The following RABGAP1L variants were observed in gnomAD, a reference collection of about 807,000 sequenced individuals.
RABGAP1L encodes RAB GTPase activating protein 1 like, also known as rab GTPase-activating protein 1-like.
In RABGAP1L, 63 loss-of-function variants were observed where a neutral mutation model predicts 137.7. The ratio of observed to expected loss-of-function variants is 0.46; its 90% CI spans 0.37 to 0.56. RABGAP1L has a LOEUF of 0.56. RABGAP1L is among the 20% of genes least tolerant of loss of function. The pLI is 0.00. For synonymous variants in RABGAP1L, 431 were observed against 433.7 expected, an observed-to-expected ratio of 0.99 and a Z score of 0.08; for missense variants, 1,095 against 1,244.0, an observed-to-expected ratio of 0.88 and a Z score of 1.80.
At chr1:174,831,434 C>T (rs1051012605) in intron 19 of RABGAP1L, among the ~76,000 whole-genome samples, 3 of 148,012 alleles carry the variant, frequency 2.0e-5, no homozygotes, top group Admixed American at 6.7e-5. Flanking sequence ...TCCACCTTGT[C>T]TTAAAGAAAG....
At chr1:174,349,172 C>T (rs1252646304) in intron 11 of RABGAP1L, among the ~76,000 whole-genome samples, 4 of 115,798 alleles carry the variant, frequency 3.5e-5, no homozygotes, top group South Asian at 3.0e-4. Context: ...CCAGTAGGGG[C>T]GGCCGGGCAG....
chr1:174,920,619 T>A (rs1661635781), intron 19 of RABGAP1L, among the ~76,000 whole-genome samples: 1 of 152,216 alleles, frequency 6.6e-6, no homozygotes, highest in Admixed American at 6.5e-5. Context: ...ATAGTCAGCA[T>A]CTCAGAATAT....
At chr1:174,895,777 C>T (rs565772494) in intron 19 of RABGAP1L, among the ~76,000 whole-genome samples, 1 of 152,224 alleles carries the variant, frequency 6.6e-6, no homozygotes, top group East Asian at 1.9e-4. Context: ...TGAACTCATC[C>T]TTTTTTGTGG....
chr1:174,849,890 G>T, intron 19 of RABGAP1L: 1 of 586,094 alleles, frequency 1.7e-6, no homozygotes. Flanking sequence ...AAGGCAATCT[G>T]AATTCTTTCA....
intron 12 of RABGAP1L, among the ~76,000 whole-genome samples, chr1:174,383,688 C>G (rs868035910): frequency 1.3e-5 from 2 of 152,176 alleles, no homozygotes; most frequent in African/African-American, 2.4e-5. Flanking sequence ...CACCCACTGT[C>G]TGGCACTCCC....
At chr1:174,234,810 A>T (rs937698934) in intron 4 of RABGAP1L, among the ~76,000 whole-genome samples, 3 of 148,352 alleles carry the variant, frequency 2.0e-5, no homozygotes, top group Admixed American at 2.0e-4. Flanking sequence ...GAAGAAAGTC[A>T]TTGGTAGCTT....
intron 13 of RABGAP1L, among the ~76,000 whole-genome samples, chr1:174,508,428 A>G (rs1309768939): frequency 1.3e-5 from 2 of 151,956 alleles, no homozygotes; most frequent in African/African-American, 4.8e-5. Context: ...TGTCAGGATT[A>G]TTTTCTTATT....
At chr1:174,667,472 C>T (rs759601788) in intron 14 of RABGAP1L, among the ~76,000 whole-genome samples, 10 of 152,162 alleles carry the variant, frequency 6.6e-5, no homozygotes, top group Non-Finnish European at 1.5e-4. Flanking sequence ...CTTCCCTAAA[C>T]CTATTTGCAT....
intron 13 of RABGAP1L, among the ~76,000 whole-genome samples, chr1:174,601,829 A>G (rs947577735): frequency 1.3e-5 from 2 of 152,132 alleles, no homozygotes; most frequent in East Asian, 1.9e-4. Context: ...TAAATCATCT[A>G]TCTCAAGTTC....
chr1:174,227,286 C>T (rs1670265695), intron 3 of RABGAP1L, among the ~76,000 whole-genome samples: 2 of 151,524 alleles, frequency 1.3e-5, no homozygotes, highest in African/African-American at 4.8e-5. Flanking sequence ...CTGCAACCTC[C>T]ACCTCCTGAG....
At chr1:174,809,004 G>A (rs1179833965) in intron 18 of RABGAP1L, among the ~76,000 whole-genome samples, 3 of 151,948 alleles carry the variant, frequency 2.0e-5, no homozygotes, top group East Asian at 3.8e-4. Flanking sequence ...TTTTAAATGG[G>A]AAAACTTACA....
chr1:174,889,645 G>A (rs980848870), intron 19 of RABGAP1L, among the ~76,000 whole-genome samples: 1 of 151,590 alleles, frequency 6.6e-6, no homozygotes, highest in African/African-American at 2.4e-5. Flanking sequence ...TGCTTAGGTT[G>A]GTCTTGAACT....
At chr1:174,880,097 T>A (rs1363492792) in intron 19 of RABGAP1L, among the ~76,000 whole-genome samples, 6 of 151,192 alleles carry the variant, frequency 4.0e-5, no homozygotes, top group Non-Finnish European at 7.4e-5. Flanking sequence ...AACACCATAA[T>A]ATCTTTCTGG....
intron 18 of RABGAP1L, among the ~76,000 whole-genome samples, chr1:174,768,938 T>C (rs1353478597): frequency 6.6e-6 from 1 of 152,194 alleles, no homozygotes; most frequent in Non-Finnish European, 1.5e-5. Context: ...AGAGTAATTA[T>C]CTTTGTCTTG....
chr1:174,800,190 G>T lies in RABGAP1L; in HGVS notation c.2212-11642G>T, dbSNP rs1000703705. The T allele has an allele frequency of 6.5e-6, 9 of 1,393,424 alleles. No homozygotes were observed. The East Asian group carries it at 2.5e-4, about 38-fold the overall frequency. 86.3% of individuals were successfully genotyped at this position (1,393,424 alleles called of 1,614,324 possible). On this transcript the variant is annotated intron_variant, in intron 18 of 25. Coordinates refer to ENST00000681986, the MANE Select transcript of RABGAP1L (RefSeq NM_001366446.1). Reference sequence around the variant, plus strand: ...ATTTAGCCAAAATGTTTTTCTTGTGGAGACATTAGCTGACAATTCCCACCA... The same window carrying T: ...ATTTAGCCAAAATGTTTTTCTTGTGTAGACATTAGCTGACAATTCCCACCA...
chr1:174,506,027 G>A (rs1022429579), intron 13 of RABGAP1L, among the ~76,000 whole-genome samples: 1 of 152,150 alleles, frequency 6.6e-6, no homozygotes, highest in African/African-American at 2.4e-5. Flanking sequence ...TATATTCTGT[G>A]AAATAAACTA....
At chr1:174,327,601 A>G (rs1371222834) in intron 11 of RABGAP1L, among the ~76,000 whole-genome samples, 1 of 152,120 alleles carries the variant, frequency 6.6e-6, no homozygotes, top group Non-Finnish European at 1.5e-5. Flanking sequence ...TCTGCAAAAC[A>G]AGCAGAGAAC....
chr1:174,378,191 G>A (rs1452500852), intron 12 of RABGAP1L, among the ~76,000 whole-genome samples: 2 of 148,862 alleles, frequency 1.3e-5, no homozygotes, highest in Admixed American at 6.7e-5. Flanking sequence ...ATCATTGTTG[G>A]ACATTTGGGT....
At chr1:174,470,168 A>AT (rs1657752124) in intron 13 of RABGAP1L, among the ~76,000 whole-genome samples, 1 of 152,150 alleles carries the variant, frequency 6.6e-6, no homozygotes, top group African/African-American at 2.4e-5. Context: ...CGCAGAATAG[A>AT]TATCATTCCA....
Sources: allele counts gnomAD v4.1 joint callset (sites outside exome capture counted in the v4.1 genomes callset), GRCh38; gene constraint gnomAD v4.1.1; transcripts MANE v1.5; gene names NCBI Gene and HGNC (gene_info 2026-07-23, HGNC 2026-07-21).